The following NTM variants were observed in gnomAD, a reference collection of about 807,000 sequenced individuals.
NTM encodes the protein IgLON family member 2.
A neutral mutation model predicts 42.1 loss-of-function variants in NTM; 13 were observed. That is an observed-to-expected ratio of 0.31 (90% CI 0.20 to 0.49). The LOEUF is 0.49. Among genes scored for constraint, NTM ranks in the 20% least tolerant of loss-of-function variants. The pLI, the probability that NTM is intolerant of heterozygous loss-of-function variation, is 0.99. For synonymous variants in NTM, 187 were observed against 179.2 expected (o/e 1.04, Z -0.35); for missense variants, 373 against 452.8 (o/e 0.82, Z 1.60).
chr11:131,463,513 G>A, intron 1 of NTM, among the ~76,000 whole-genome samples: 1 of 152,164 alleles, frequency 6.6e-6, no homozygotes, highest in Admixed American at 6.5e-5. Flanking sequence ...ATATCAGCCA[G>A]GCACATGGTG....
intron 7 of NTM, among the ~76,000 whole-genome samples, chr11:132,327,047 G>C (rs938352411): frequency 6.6e-6 from 1 of 152,204 alleles, no homozygotes; most frequent in Non-Finnish European, 1.5e-5. Context: ...CACCATTGAA[G>C]TATTTTACTG....
At position 131,795,773 on chromosome 11, in the gene NTM, C is replaced by T. The variant is rs187686797; in HGVS notation, c.83-115791C>T. 1.7e-4 allele frequency: 165 copies of T among 985,334 alleles called. 1 individual carries two copies. The African/African-American group carries it at 2.3e-3, about 14-fold the overall frequency. 61.0% of individuals were successfully genotyped at this position (985,334 alleles called of 1,614,324 possible). A position where few individuals can be genotyped will look rare whatever the true frequency, so the allele number is the denominator to read the frequency against. On this transcript the variant is annotated intron_variant, in intron 1 of 8. Transcript: ENST00000683400. The stretch of plus-strand genomic sequence containing the variant: ...AGGTCATGATACTGCCTTGTGGGAG[C>T]AGTTGACTGGGGTTGGGGGGTGGTG...
intron 1 of NTM, among the ~76,000 whole-genome samples, chr11:131,799,938 C>A (rs1023780871): frequency 5.3e-5 from 8 of 152,030 alleles, no homozygotes; most frequent in African/African-American, 1.9e-4. Context: ...TTTTTTCTAA[C>A]TTTGATGAAA....
At chr11:131,463,243 C>T (rs914123179) in intron 1 of NTM, among the ~76,000 whole-genome samples, 1 of 152,232 alleles carries the variant, frequency 6.6e-6, no homozygotes, top group African/African-American at 2.4e-5. Context: ...TGCTCTCCAT[C>T]CACAGCTCCT....
chr11:132,326,976 T>G lies in NTM; in HGVS notation c.935-3177T>G, dbSNP rs77119047. On this transcript the variant is annotated intron_variant, in intron 7 of 8. Transcript: ENST00000683400. Reference sequence around the variant, plus strand: ...AGTTCAAAGCTATTTTGCTAACCAATATCTGGATGGACTAGAAGTATTTTG... The same window carrying G: ...AGTTCAAAGCTATTTTGCTAACCAAGATCTGGATGGACTAGAAGTATTTTG... Among the ~76,000 whole-genome samples the G allele has an allele frequency of 8.5e-3, 1,300 of 152,360 alleles. 19 individuals are homozygous for G. The highest frequency in any genetic ancestry group is 0.068 in the Middle Eastern group (20 of 294).
chr11:131,453,348 T>C (rs1431362867), intron 1 of NTM, among the ~76,000 whole-genome samples: 1 of 152,140 alleles, frequency 6.6e-6, no homozygotes, highest in African/African-American at 2.4e-5. Context: ...GTGATGATAA[T>C]GAGTAACAGT....
intron 3 of NTM, among the ~76,000 whole-genome samples, chr11:132,186,928 C>G (rs368977821): frequency 4.3e-4 from 66 of 152,246 alleles, no homozygotes; most frequent in African/African-American, 1.4e-3. Context: ...TGCCCCCATG[C>G]TCACACTTTC....
In NTM at chr11:131,595,286, CA is replaced by C. The variant is rs373890606; in HGVS notation, c.82+224399del. 3.2e-3 allele frequency among the ~76,000 whole-genome samples: 493 copies of C among 152,260 alleles called. 4 individuals are homozygous for C. The highest frequency in any genetic ancestry group is 0.011 in the African/African-American group (457 of 41,532). On this transcript the variant is annotated intron_variant, in intron 1 of 8. Coordinates refer to ENST00000683400, the MANE Select transcript of NTM (RefSeq NM_001352005.2). Reference sequence around the variant, plus strand: ...CCTCCACATCACCATGCGCCTCCACCAGCTGAAGGCAACAGAAAGCTTTGAT... The same window carrying C: ...CCTCCACATCACCATGCGCCTCCACCGCTGAAGGCAACAGAAAGCTTTGAT...
chr11:131,871,841 A>G (rs2047822398), intron 1 of NTM, among the ~76,000 whole-genome samples: 1 of 151,958 alleles, frequency 6.6e-6, no homozygotes, highest in Non-Finnish European at 1.5e-5. Context: ...TTCCTTTGTC[A>G]TCAGGTACTG....
At chr11:131,545,578 A>G (rs545687288) in intron 1 of NTM, among the ~76,000 whole-genome samples, 3 of 152,278 alleles carry the variant, frequency 2.0e-5, no homozygotes, top group African/African-American at 7.2e-5. Flanking sequence ...CTAGGTTCTC[A>G]GAATAGAGAG....
chr11:131,554,000 A>AATCCC (rs1470803613), intron 1 of NTM, among the ~76,000 whole-genome samples: 3 of 152,184 alleles, frequency 2.0e-5, no homozygotes, highest in Non-Finnish European at 4.4e-5. Context: ...TTGCCTGGTC[A>AATCCC]ATCCCACTCA....
At chr11:131,421,966 T>C (rs2135835135) in intron 1 of NTM, among the ~76,000 whole-genome samples, 1 of 152,306 alleles carries the variant, frequency 6.6e-6, no homozygotes, top group South Asian at 2.1e-4. Context: ...TGTTCTGATG[T>C]CCTGTGAGTA....
At chr11:131,931,586 G>C (rs139285772) in intron 2 of NTM, among the ~76,000 whole-genome samples, 1 of 151,690 alleles carries the variant, frequency 6.6e-6, no homozygotes, top group African/African-American at 2.4e-5. Flanking sequence ...TGTGTAGGGC[G>C]TTGCACTAGG....
chr11:132,160,420 A>T (rs2074038509), intron 3 of NTM, among the ~76,000 whole-genome samples: 1 of 152,182 alleles, frequency 6.6e-6, no homozygotes, highest in South Asian at 2.1e-4. Context: ...TCCTACCAAC[A>T]CATGAAATGC....
Position 132,335,174 on chromosome 11 carries a change from A to G in NTM, c.*28A>G, listed in dbSNP as rs753439544. ...TGAGTGCCACTTCCCCACCCGGGAA[A>G]GGCTGCCGCCACCACCACCACCAAC... On this transcript the variant is annotated 3_prime_UTR_variant, in exon 9 of 9. Transcript: ENST00000683400. 3.7e-6 allele frequency: 6 copies of G among 1,609,898 alleles called. No homozygotes were observed. In the South Asian group the frequency reaches 6.6e-5, roughly 18 times the overall value.
At chr11:132,216,800 C>G (rs1451303416) in intron 4 of NTM, among the ~76,000 whole-genome samples, 1 of 152,232 alleles carries the variant, frequency 6.6e-6, no homozygotes, top group African/African-American at 2.4e-5. Flanking sequence ...CAAAGACTAT[C>G]TTGATCCTTC....
At chr11:131,375,479 G>T (rs1026535955) in intron 1 of NTM, among the ~76,000 whole-genome samples, 13 of 152,224 alleles carry the variant, frequency 8.5e-5, no homozygotes, top group African/African-American at 2.9e-4. Flanking sequence ...TACCATCCTA[G>T]TGTTCCTAGA....
At chr11:131,888,668 G>T (rs2050771795) in intron 1 of NTM, among the ~76,000 whole-genome samples, 1 of 152,158 alleles carries the variant, frequency 6.6e-6, no homozygotes, top group African/African-American at 2.4e-5. Flanking sequence ...GAACAGTCTT[G>T]CTCCAAATCC....
intron 1 of NTM, among the ~76,000 whole-genome samples, chr11:131,473,558 G>T (rs1274186510): frequency 3.9e-5 from 6 of 152,142 alleles, no homozygotes; most frequent in Non-Finnish European, 8.8e-5. Context: ...AATAATATTA[G>T]AAGAACTAGA....
Sources: gnomAD v4.1 joint callset for allele counts (sites outside exome capture counted in the v4.1 genomes callset) on GRCh38, gnomAD v4.1.1 for gene constraint, MANE v1.5 for transcripts, NCBI Gene and HGNC (gene_info 2026-07-23, HGNC 2026-07-21) for gene names.